The following CACNA1A variants were observed in gnomAD, a reference collection of about 807,000 sequenced individuals.
CACNA1A encodes the protein voltage-dependent P/Q-type calcium channel subunit alpha-1A.
A neutral mutation model predicts 262.4 loss-of-function variants in CACNA1A; 57 were observed. That is an observed-to-expected ratio of 0.22 (90% CI 0.18 to 0.27). The LOEUF (loss-of-function observed/expected upper bound fraction) is 0.27. Ranked by LOEUF, CACNA1A falls within the 10% of genes least tolerant of loss-of-function variation. The probability of loss-of-function intolerance (pLI) is 1.00; values close to 1 mark genes in which losing one functional copy is unlikely to be tolerated. For synonymous variants in CACNA1A, 1,431 were observed against 1,419.3 expected (o/e 1.01, Z -0.18); for missense variants, 2,526 against 3,562.8 (o/e 0.71, Z 7.41).
At chr19:13,385,285 A>G (rs560065469) in intron 3 of CACNA1A, among the ~76,000 whole-genome samples, 1 of 145,534 alleles carries the variant, frequency 6.9e-6, no homozygotes, top group Admixed American at 7.1e-5. Flanking sequence ...GCTGGAGTGC[A>G]GTGGCACGAT....
chr19:13,299,050 C>T lies in CACNA1A; in HGVS notation c.2583G>A (p.Gln861=). ...QQRAEDFLRK[Q]ARYHDRARDP... is the part of the protein sequence containing the mutation. ...CCCGGGCCCGATCGTGGTAGCGGGC[C>T]TGTTTCCTGAGGAAGTCCTCGGCGC... The change falls in exon 19 of 47, where the codon CAG becomes CAA. Residue 861 remains glutamine (Q), a synonymous_variant. Coordinates refer to ENST00000360228, the MANE Select transcript of CACNA1A (RefSeq NM_001127222.2). The T allele has an allele frequency of 1.2e-6, 2 of 1,603,232 alleles. No individual in the cohort carries two copies. The highest frequency in any genetic ancestry group is 1.1e-5 in the South Asian group (1 of 90,592).
rs966579392 is a variant in CACNA1A at position 13,351,503 on chromosome 19, G to A, written c.978+8103C>T. Among the ~76,000 whole-genome samples, 4 of 151,614 alleles carry A rather than the reference G, an allele frequency of 2.6e-5. No individual in the cohort carries two copies. The South Asian group carries it at 6.3e-4, about 24-fold the overall frequency. ...ACTACAGACATGGACCACCACACCC[G>A]GCTAATTAAAAAACATTTTTTTTGA... On this transcript the variant is annotated intron_variant, in intron 6 of 46. Transcript: ENST00000360228.
chr19:13,502,784 T>C (rs1982539093), intron 1 of CACNA1A, among the ~76,000 whole-genome samples: 1 of 152,176 alleles, frequency 6.6e-6, no homozygotes, highest in Non-Finnish European at 1.5e-5. Flanking sequence ...GAAGAAATCA[T>C]AGTGACAAAT....
At chr19:13,420,508 G>A (rs1186891238) in intron 3 of CACNA1A, among the ~76,000 whole-genome samples, 3 of 152,146 alleles carry the variant, frequency 2.0e-5, no homozygotes, top group African/African-American at 7.2e-5. Context: ...GACACACAGA[G>A]AAAAAAGGCA....
chr19:13,242,756 A>G (rs112214653), intron 31 of CACNA1A, among the ~76,000 whole-genome samples: 2,980 of 152,250 alleles, frequency 0.02, 56 homozygotes, highest in East Asian at 0.071. Flanking sequence ...TAGGTGCTCA[A>G]TGAATGTCTT....
At chr19:13,483,434 A>G (rs1441250554) in intron 1 of CACNA1A, among the ~76,000 whole-genome samples, 1 of 152,166 alleles carries the variant, frequency 6.6e-6, no homozygotes, top group East Asian at 1.9e-4. Context: ...CCAACTCCAT[A>G]AAGTCATGTG....
intron 10 of CACNA1A, among the ~76,000 whole-genome samples, chr19:13,325,196 C>CTTTTTTT (rs201773357): frequency 7.8e-6 from 1 of 128,026 alleles, no homozygotes; most frequent in Non-Finnish European, 1.6e-5. Flanking sequence ...TCTTCTTCTT[C>CTTTTTTT]TTTTTTTTTT....
rs114913378 is a variant in CACNA1A at position 13,403,871 on chromosome 19, T to C, written c.540-32092A>G. Among the ~76,000 whole-genome samples the C allele has an allele frequency of 5.4e-3, 828 of 152,188 alleles. 4 individuals are homozygous for C. Among genetic ancestry groups the C allele is most frequent in the African/African-American group, 0.019 (790 of 41,514 alleles). ...TACTTGAGAGGCTGAGGTGGGAGGATAGCTTGAACCTGGAGGTTGAGGTTG... is the reference window on the plus strand; with the variant it reads ...TACTTGAGAGGCTGAGGTGGGAGGACAGCTTGAACCTGGAGGTTGAGGTTG... On this transcript the variant is annotated intron_variant, in intron 3 of 46. Coordinates refer to ENST00000360228, the MANE Select transcript of CACNA1A (RefSeq NM_001127222.2).
Position 13,334,759 on chromosome 19 carries a change from G to A in CACNA1A, c.1083-266C>T, listed in dbSNP as rs34296137. Among the ~76,000 whole-genome samples the A allele has an allele frequency of 0.64, 97,821 of 151,782 alleles. 32,028 individuals carry two copies. The highest frequency in any genetic ancestry group is 0.74 in the Admixed American group (11,251 of 15,246). ...GTGCCTAGGTAAAGAAAAAGGCCAG[G>A]CACAGTGGCTCATGTCTGTAATCCC... On this transcript the variant is annotated intron_variant, in intron 7 of 46. Coordinates refer to ENST00000360228, the MANE Select transcript of CACNA1A (RefSeq NM_001127222.2).
intron 3 of CACNA1A, among the ~76,000 whole-genome samples, chr19:13,418,280 G>C (rs2060259165): frequency 6.6e-6 from 1 of 152,110 alleles, no homozygotes; most frequent in Non-Finnish European, 1.5e-5. Context: ...TTGGGGGAGT[G>C]GAGGTGGGGG....
At chr19:13,395,511 C>T (rs1029378190) in intron 3 of CACNA1A, among the ~76,000 whole-genome samples, 5 of 150,760 alleles carry the variant, frequency 3.3e-5, no homozygotes, top group African/African-American at 1.2e-4. Context: ...ACTTGGGAGG[C>T]TGAGGCAGGA....
chr19:13,224,642 G>A (rs1486371154), intron 38 of CACNA1A, 25 bp downstream of exon 38: 4 of 1,533,072 alleles, frequency 2.6e-6, no homozygotes, highest in Admixed American at 3.7e-5. Context: ...ACGCCTGTCT[G>A]TGCCCGCCCC....
rs767207007 is a variant in CACNA1A, at chr19:13,308,521, A to G, written c.1676T>C (p.Ile559Thr). 8 of 1,605,366 alleles carry G rather than the reference A, an allele frequency of 5.0e-6. No individual in the cohort carries two copies. The highest frequency in any genetic ancestry group is 1.3e-5 in the African/African-American group (1 of 74,838). Residue 559 changes from isoleucine to threonine, a missense_variant, in exon 13 of 47, where the codon ATT (isoleucine) becomes ACT (threonine). Ile to Thr is a moderately conservative substitution (Grantham distance 89). This residue lies in a region of CACNA1A where 102 missense variants were observed against 278.9 expected (regional missense o/e 0.37). Coordinates refer to ENST00000360228, the MANE Select transcript of CACNA1A (RefSeq NM_001127222.2). This position sits in a 1 kb window ranked among gnomAD's most constrained non-coding sequence, Gnocchi z 4.2. ...SFNCFDCGVI[I>T]GSIFEVIWAV... is the part of the protein sequence containing the mutation. ...CCAGATGACCTCGAAGATGCTCCCA[A>G]TGATAACCTAGGGCAGAGAACCTGG...
intron 24 of CACNA1A, 179 bp downstream of exon 24, chr19:13,275,671 A>G (rs993645986): frequency 7.9e-6 from 5 of 630,268 alleles, no homozygotes; most frequent in African/African-American, 5.4e-5. Flanking sequence ...TTCTTCCTCC[A>G]TGGACATCAT....
intron 19 of CACNA1A, among the ~76,000 whole-genome samples, chr19:13,298,283 AC>A (rs1252425549): frequency 6.7e-6 from 1 of 150,230 alleles, no homozygotes; most frequent in East Asian, 2.0e-4. Flanking sequence ...GGCGCCTGCC[AC>A]CGTGCCCGGC....
At chr19:13,209,989 G>C (rs539314237) in intron 44 of CACNA1A, among the ~76,000 whole-genome samples, 1 of 152,158 alleles carries the variant, frequency 6.6e-6, no homozygotes, top group African/African-American at 2.4e-5. Context: ...CGGCATGGCA[G>C]CTTTGGGTCC....
chr19:13,328,400 C>T (rs2058405082), intron 10 of CACNA1A, among the ~76,000 whole-genome samples: 1 of 152,076 alleles, frequency 6.6e-6, no homozygotes, highest in African/African-American at 2.4e-5. Context: ...ATTAAAAATG[C>T]AAATGAAAAC....
chr19:13,232,409 G>A (rs1165166159), intron 34 of CACNA1A, among the ~76,000 whole-genome samples: 1 of 151,850 alleles, frequency 6.6e-6, no homozygotes, highest in Non-Finnish European at 1.5e-5. Context: ...TCACTGCATT[G>A]CTCAGGCTGG....
At position 13,308,084 on chromosome 19, in the gene CACNA1A, G is replaced by A. The variant is rs1486102245; in HGVS notation, c.1913+36C>T. 2 of 1,611,982 alleles carry A rather than the reference G, an allele frequency of 1.2e-6. No homozygotes were observed. Among genetic ancestry groups the A allele is most frequent in the African/African-American group, 2.7e-5 (2 of 74,864 alleles). ...TGTGTGTTCCCTGAGCCTGACCCCAGGGAACCAGGAGTTGGAATTCCTGTG... is the reference window on the plus strand; with the variant it reads ...TGTGTGTTCCCTGAGCCTGACCCCAAGGAACCAGGAGTTGGAATTCCTGTG... On this transcript the variant is annotated intron_variant, in intron 14 of 46. Transcript: ENST00000360228. The surrounding 1 kb of genome is among the most constrained non-coding windows in gnomAD (Gnocchi z 4.2).
Sources: gnomAD v4.1 joint callset for allele counts (sites outside exome capture counted in the v4.1 genomes callset) on GRCh38, gnomAD v4.1.1 for gene constraint, gnomAD v4.1.1 regional missense constraint, Gnocchi (gnomAD v3.1) non-coding constraint, MANE v1.5 for transcripts, NCBI Gene and HGNC (gene_info 2026-07-23, HGNC 2026-07-21) for gene names.